FABP12: variants seen among roughly 807,000 people sequenced by gnomAD.
The protein encoded by FABP12 is fatty acid binding protein 12, also known as fatty acid-binding protein 12.
Under a neutral mutation model 13.7 loss-of-function variants are expected in FABP12, and 19 were observed. The observed-to-expected ratio is 1.39, with a 90% CI of 0.97 to 2.04. FABP12 has a LOEUF of 2.04. FABP12 is among the 30% of genes most tolerant of loss of function. FABP12 has a pLI of 0.00. For synonymous variants in FABP12, 61 were observed against 57.0 expected (o/e 1.07, Z -0.32); for missense variants, 182 against 164.2 (o/e 1.11, Z -0.59).
intron 3 of FABP12, among the ~76,000 whole-genome samples, chr8:81,528,434 C>G (rs1311463449): frequency 6.6e-6 from 1 of 152,168 alleles, no homozygotes; most frequent in Admixed American, 6.5e-5. Flanking sequence ...CCATATTAAG[C>G]ATTTAAGTCA....
chr8:81,569,160 C>T (rs1809880397), intron 1 of FABP12, among the ~76,000 whole-genome samples: 1 of 151,914 alleles, frequency 6.6e-6, no homozygotes, highest in African/African-American at 2.4e-5. Context: ...GATGGATACC[C>T]CCTTAACCCT....
intron 1 of FABP12, among the ~76,000 whole-genome samples, chr8:81,589,912 T>C (rs1015658105): frequency 2.0e-5 from 3 of 152,350 alleles, no homozygotes; most frequent in African/African-American, 4.8e-5. Context: ...TTGTTCATAA[T>C]TTTGAGCCAC....
At chr8:81,558,159 T>C (rs1809653784) in intron 1 of FABP12, among the ~76,000 whole-genome samples, 1 of 152,162 alleles carries the variant, frequency 6.6e-6, no homozygotes. Flanking sequence ...GGAGGAAGAA[T>C]GCTAGGGTTT....
At chr8:81,548,466 G>T (rs1450011847) in intron 1 of FABP12, among the ~76,000 whole-genome samples, 1 of 152,186 alleles carries the variant, frequency 6.6e-6, no homozygotes, top group Non-Finnish European at 1.5e-5. Flanking sequence ...CTTTTGGATT[G>T]GGATGAGATC....
chr8:81,574,921 T>C (rs1810007972), intron 1 of FABP12, among the ~76,000 whole-genome samples: 1 of 145,994 alleles, frequency 6.8e-6, no homozygotes, highest in African/African-American at 2.5e-5. Context: ...ATTTATCTTT[T>C]GTATTTTTTT....
chr8:81,588,108 T>C (rs985927852), intron 1 of FABP12, among the ~76,000 whole-genome samples: 3 of 152,196 alleles, frequency 2.0e-5, no homozygotes, highest in Non-Finnish European at 2.9e-5. Flanking sequence ...CACCCAGTTT[T>C]GAGGGTGTGT....
At chr8:81,531,380 T>C in exon 2 of FABP12, 5 of 1,109,302 alleles carry the variant, frequency 4.5e-6, no homozygotes, top group Non-Finnish European at 6.5e-6. Flanking sequence ...TTCCCTGAAG[T>C]AGTATGGGAA....
chr8:81,580,070 C>A (rs1810131972), intron 1 of FABP12, among the ~76,000 whole-genome samples: 1 of 152,148 alleles, frequency 6.6e-6, no homozygotes, highest in African/African-American at 2.4e-5. Flanking sequence ...TGACAATTGT[C>A]CCTATATTGT....
intron 2 of FABP12, among the ~76,000 whole-genome samples, chr8:81,530,630 T>C (rs1012468712): frequency 2.6e-5 from 4 of 152,230 alleles, no homozygotes; most frequent in Non-Finnish European, 5.9e-5. Context: ...CCTAAAGATA[T>C]TCACGTCTTA....
chr8:81,576,044 G>A (rs1810039528), intron 1 of FABP12, among the ~76,000 whole-genome samples: 1 of 152,162 alleles, frequency 6.6e-6, no homozygotes, highest in Non-Finnish European at 1.5e-5. Context: ...TAGCTGATAA[G>A]AAAGCAAATG....
At chr8:81,587,555 G>A (rs1355129433) in intron 1 of FABP12, among the ~76,000 whole-genome samples, 1 of 151,988 alleles carries the variant, frequency 6.6e-6, no homozygotes, top group African/African-American at 2.4e-5. Flanking sequence ...TGGCTATTTT[G>A]AAGCCACAAA....
At chr8:81,551,531 T>A (rs1038222044) in intron 1 of FABP12, among the ~76,000 whole-genome samples, 1 of 152,184 alleles carries the variant, frequency 6.6e-6, no homozygotes, top group African/African-American at 2.4e-5. Flanking sequence ...AGGCAGGGAA[T>A]GTTTGGGGTA....
intron 1 of FABP12, among the ~76,000 whole-genome samples, chr8:81,583,782 T>C (rs1593713): frequency 0.95 from 144,928 of 152,290 alleles, 69,008 homozygotes; most frequent in East Asian, 1. Flanking sequence ...AAACTAACAC[T>C]AGTTTTCTTC....
In FABP12 at chr8:81,557,875, A is replaced by T. The variant is rs1809649541; in HGVS notation, c.-184-18132T>A. Among the ~76,000 whole-genome samples the T allele has an allele frequency of 5.3e-5, 8 of 152,294 alleles. No homozygotes were observed. The South Asian group carries it at 1.7e-3, about 32-fold the overall frequency. On this transcript the variant is annotated intron_variant, in intron 1 of 5. Transcript: ENST00000692030. ...AATCTCATACAGGCCTAATCAGATG[A>T]CATTCATTTTTCTCTGTGTTTAGTC...
chr8:81,525,740 A>G (rs1474587729), intron 4 of FABP12: 1 of 152,170 alleles, frequency 6.6e-6, no homozygotes, highest in Admixed American at 6.5e-5. Context: ...TTTTATTTAA[A>G]TATTTTAAAT....
Position 81,586,014 on chromosome 8 carries a change from G to A in FABP12, c.-185+4039C>T, listed in dbSNP as rs7009687. Among the ~76,000 whole-genome samples, 799 of 152,082 alleles carry A rather than the reference G, an allele frequency of 5.3e-3. 3 individuals are homozygous for A. The highest frequency in any genetic ancestry group is 6.0e-3 in the Non-Finnish European group (406 of 67,954). On this transcript the variant is annotated intron_variant, in intron 1 of 5. Coordinates refer to the FABP12 transcript ENST00000692030. ...CCTCCCACCCTCCACCCTCAAGTAG[G>A]CCCTGGTGTCTATTGTTCCCTTCTT... is the stretch of plus-strand genomic sequence containing the variant.
At chr8:81,575,223 C>T (rs1810017303) in intron 1 of FABP12, among the ~76,000 whole-genome samples, 1 of 152,184 alleles carries the variant, frequency 6.6e-6, no homozygotes, top group Non-Finnish European at 1.5e-5. Context: ...CATGCTCATT[C>T]AAGAGCAGGT....
At chr8:81,570,233 A>G (rs1809902378) in intron 1 of FABP12, among the ~76,000 whole-genome samples, 2 of 152,210 alleles carry the variant, frequency 1.3e-5, no homozygotes, top group Non-Finnish European at 2.9e-5. Context: ...GGGAGCTCCC[A>G]GGTCTGGGAT....
intron 1 of FABP12, among the ~76,000 whole-genome samples, chr8:81,555,237 A>C (rs1053586732): frequency 3.3e-5 from 5 of 152,224 alleles, no homozygotes; most frequent in African/African-American, 1.2e-4. Flanking sequence ...ATATTTGACT[A>C]TTCTGTGCCA....
Sources: gnomAD v4.1 joint callset for allele counts (sites outside exome capture counted in the v4.1 genomes callset) on GRCh38, gnomAD v4.1.1 for gene constraint, MANE v1.5 for transcripts, NCBI Gene and HGNC (gene_info 2026-07-23, HGNC 2026-07-21) for gene names.